The following DPYS variants were observed in gnomAD, a reference collection of about 807,000 sequenced individuals.
The protein encoded by DPYS is dihydropyrimidine amidohydrolase.
A neutral mutation model predicts 50.3 loss-of-function variants in DPYS; 39 were observed. That is an observed-to-expected ratio of 0.78 (90% CI 0.60 to 1.01). The LOEUF is 1.01. DPYS is among the 50% of genes least tolerant of loss of function. The pLI is 0.00. For missense variants in DPYS, 659 were observed against 680.9 expected (o/e 0.97, Z 0.36); for synonymous variants, 245 against 250.7 (o/e 0.98, Z 0.22).
intron 4 of DPYS, among the ~76,000 whole-genome samples, chr8:104,432,887 C>T (rs1477877476): frequency 6.6e-6 from 1 of 152,146 alleles, no homozygotes; most frequent in Non-Finnish European, 1.5e-5. Flanking sequence ...GTGTCCTCTG[C>T]CCAAATCCAC....
intron 7 of DPYS, among the ~76,000 whole-genome samples, chr8:104,417,938 A>T (rs953260168): frequency 6.6e-6 from 1 of 152,240 alleles, no homozygotes; most frequent in Non-Finnish European, 1.5e-5. Context: ...AAAGGAAAAA[A>T]TAAGCATGGC....
At chr8:104,460,751 C>T (rs1004183613) in intron 1 of DPYS, among the ~76,000 whole-genome samples, 3 of 152,132 alleles carry the variant, frequency 2.0e-5, no homozygotes, top group African/African-American at 7.2e-5. Context: ...CAAGTGGTTT[C>T]AGTTAATCTT....
intron 3 of DPYS, among the ~76,000 whole-genome samples, chr8:104,445,688 A>T (rs1271394882): frequency 6.6e-6 from 1 of 151,866 alleles, no homozygotes; most frequent in African/African-American, 2.4e-5. Flanking sequence ...GTGTAAAACA[A>T]AAAAAAAGAA....
chr8:104,456,364 G>A (rs1002596585), intron 1 of DPYS, among the ~76,000 whole-genome samples: 1 of 152,138 alleles, frequency 6.6e-6, no homozygotes, highest in Non-Finnish European at 1.5e-5. Context: ...GATAGTCAAA[G>A]GGCCACTCTT....
rs746390709 is a variant in DPYS, at chr8:104,444,334, A to G, written c.707T>C (p.Ile236Thr). The stretch of plus-strand genomic sequence containing the variant: ...GAGAGGACAGTTCACAGCGCTGGCT[A>G]TGGTGATGGCTCTCAGCGTGGCCTC... ...EAEATLRAIT[I>T]ASAVNCPLYI... The change falls in exon 4 of 10, where the codon ATA becomes ACA. Residue 236 changes from isoleucine to threonine, a missense_variant. By Grantham distance (89) the Ile-to-Thr change is moderately conservative. Transcript: ENST00000351513. The G allele has an allele frequency of 4.3e-6, 7 of 1,614,258 alleles. No homozygotes were observed. The highest frequency in any genetic ancestry group is 5.9e-6 in the Non-Finnish European group (7 of 1,180,048).
At chr8:104,466,303 A>T (rs1249772997) in intron 1 of DPYS, among the ~76,000 whole-genome samples, 2 of 152,234 alleles carry the variant, frequency 1.3e-5, no homozygotes, top group African/African-American at 4.8e-5. Context: ...TGCGACTTCC[A>T]CAGAACACCA....
chr8:104,452,774 G>C (rs1374491487), intron 1 of DPYS, among the ~76,000 whole-genome samples: 3 of 152,184 alleles, frequency 2.0e-5, no homozygotes, highest in Non-Finnish European at 4.4e-5. Context: ...CCGGGAGTTT[G>C]AGGCTGCAGT....
At chr8:104,463,232 T>C (rs568453821) in intron 1 of DPYS, among the ~76,000 whole-genome samples, 2 of 152,230 alleles carry the variant, frequency 1.3e-5, no homozygotes, top group Non-Finnish European at 2.9e-5. Flanking sequence ...TCTGTACCCT[T>C]ACAAATGATA....
chr8:104,382,072 A>T (rs1312949671), intron 8 of DPYS, among the ~76,000 whole-genome samples: 7 of 152,230 alleles, frequency 4.6e-5, no homozygotes, highest in African/African-American at 1.7e-4. Flanking sequence ...TCATCCATGA[A>T]ATGGGGGAAA....
At chr8:104,462,871 G>A (rs145664784) in intron 1 of DPYS, among the ~76,000 whole-genome samples, 28 of 152,294 alleles carry the variant, frequency 1.8e-4, no homozygotes, top group African/African-American at 6.3e-4. Context: ...AATGAAATAT[G>A]ATTTCTTTAA....
Position 104,466,801 on chromosome 8 carries a change from C to A in DPYS, c.120G>T (p.Leu40=). Residue 40 remains leucine (L), a synonymous_variant, in exon 1 of 10, where the codon CTG becomes CTT. Transcript: ENST00000351513. The part of the protein sequence containing the change: ...GVVRALGHDL[L]PPGGAPAGLR... ...GCCCCGCAGGAGCGCCCCCGGGAGG[C>A]AGCAGGTCGTGCCCGAGTGCCCGCA... The A allele has an allele frequency of 6.5e-7, 1 of 1,534,298 alleles. No individual in the cohort carries two copies. The highest frequency in any genetic ancestry group is 8.7e-7 in the Non-Finnish European group (1 of 1,145,800).
Position 104,466,988 on chromosome 8 carries a change from G to A in DPYS, c.-68C>T. ...AGGGGCTGGGTTGGGCGGGCCGGGC[G>A]GGCTTGGGGTGCCCTCCTGCAAGGT... is the stretch of plus-strand genomic sequence containing the variant. On this transcript the variant is annotated 5_prime_UTR_variant, in exon 1 of 10. Transcript: ENST00000351513. The A allele has an allele frequency of 1.5e-6, 2 of 1,359,750 alleles. No homozygotes were observed. Among genetic ancestry groups the A allele is most frequent in the Non-Finnish European group, 9.4e-7 (1 of 1,062,630 alleles). 84.2% of individuals were successfully genotyped at this position (1,359,750 alleles called of 1,614,324 possible). A position where few individuals can be genotyped will look rare whatever the true frequency, so the allele number is the denominator to read the frequency against.
chr8:104,416,354 G>C (rs527566430), intron 7 of DPYS, among the ~76,000 whole-genome samples: 1 of 152,328 alleles, frequency 6.6e-6, no homozygotes, highest in East Asian at 1.9e-4. Flanking sequence ...GATGTGAAGA[G>C]TGCCCCTGTA....
chr8:104,432,533 A>G (rs17834440), intron 4 of DPYS, among the ~76,000 whole-genome samples: 13,584 of 152,306 alleles, frequency 0.089, 817 homozygotes, highest in Non-Finnish European at 0.12. Flanking sequence ...CATAGAAATA[A>G]ATCTTCCTAG....
intron 7 of DPYS, among the ~76,000 whole-genome samples, chr8:104,406,552 C>A (rs1456595731): frequency 6.6e-6 from 1 of 152,186 alleles, no homozygotes; most frequent in Non-Finnish European, 1.5e-5. Flanking sequence ...ATACCCAGGG[C>A]AAAGGCAAAC....
chr8:104,436,290 C>A (rs1813144133), intron 4 of DPYS, among the ~76,000 whole-genome samples: 1 of 152,068 alleles, frequency 6.6e-6, no homozygotes, highest in Non-Finnish European at 1.5e-5. Context: ...CACGCACACA[C>A]AAAAAAGAAG....
intron 8 of DPYS, among the ~76,000 whole-genome samples, chr8:104,389,060 A>G (rs1175702298): frequency 6.6e-6 from 1 of 152,244 alleles, no homozygotes; most frequent in Non-Finnish European, 1.5e-5. Context: ...GCAAAAAAGA[A>G]TAAGATGCTG....
At chr8:104,399,885 A>AAG (rs902392431) in intron 7 of DPYS, among the ~76,000 whole-genome samples, 10 of 151,294 alleles carry the variant, frequency 6.6e-5, no homozygotes, top group Non-Finnish European at 1.5e-4. Flanking sequence ...AAAAAAAAAA[A>AAG]AAAAAGAAAG....
intron 1 of DPYS, among the ~76,000 whole-genome samples, chr8:104,456,411 A>G (rs151193715): frequency 2.0e-5 from 3 of 152,352 alleles, no homozygotes; most frequent in Admixed American, 6.5e-5. Flanking sequence ...CGGGGCTACA[A>G]TTTGAAAGCT....
Sources: gnomAD v4.1 joint callset for allele counts (sites outside exome capture counted in the v4.1 genomes callset) on GRCh38, gnomAD v4.1.1 for gene constraint, MANE v1.5 for transcripts, NCBI Gene and HGNC (gene_info 2026-07-23, HGNC 2026-07-21) for gene names.